The following LCORL variants were observed in gnomAD, a reference collection of about 807,000 sequenced individuals.
LCORL encodes ligand dependent nuclear receptor corepressor like.
In LCORL, 41 loss-of-function variants were observed where a neutral mutation model predicts 141.8. That is an observed-to-expected ratio of 0.29 (90% CI 0.23 to 0.38). The LOEUF (loss-of-function observed/expected upper bound fraction) is 0.38, where lower values mean the gene tolerates loss of function less well. Among genes scored for constraint, LCORL ranks in the 10% least tolerant of loss-of-function variants. The probability of loss-of-function intolerance (pLI) is 1.00; values close to 1 mark genes in which losing one functional copy is unlikely to be tolerated. For missense variants in LCORL, 1,759 were observed against 2,035.0 expected (o/e 0.86, Z 2.61); for synonymous variants, 618 against 694.1 (o/e 0.89, Z 1.72).
At chr4:17,877,583 A>C in exon 7 of LCORL, 1 of 1,230,558 alleles carries the variant, frequency 8.1e-7, no homozygotes, top group Non-Finnish European at 1.0e-6. Context: ...TGTTTGCTTC[A>C]AGTTTGTTAT....
chr4:17,910,134 C>G (rs914624704), intron 4 of LCORL, among the ~76,000 whole-genome samples: 9 of 152,132 alleles, frequency 5.9e-5, no homozygotes, highest in African/African-American at 2.2e-4. Context: ...TAAAGTTCAA[C>G]AGTAATAATA....
intron 5 of LCORL, among the ~76,000 whole-genome samples, chr4:17,902,492 C>T (rs998019944): frequency 5.9e-5 from 9 of 152,080 alleles, no homozygotes; most frequent in African/African-American, 2.2e-4. Flanking sequence ...ATTTCGTTAG[C>T]GGACATAGAA....
chr4:17,858,001 A>G (rs1030745829), intron 7 of LCORL, among the ~76,000 whole-genome samples: 1 of 152,212 alleles, frequency 6.6e-6, no homozygotes, highest in Admixed American at 6.5e-5. Flanking sequence ...CAAAAAACAT[A>G]TATGATCCAT....
At chr4:17,925,521 C>A in intron 4 of LCORL, among the ~76,000 whole-genome samples, 1 of 152,134 alleles carries the variant, frequency 6.6e-6, no homozygotes, top group East Asian at 1.9e-4. Flanking sequence ...GCCAGGACCA[C>A]GTGACCAGTT....
At chr4:17,870,637 C>G (rs1726237132) in intron 7 of LCORL, among the ~76,000 whole-genome samples, 1 of 152,126 alleles carries the variant, frequency 6.6e-6, no homozygotes, top group Non-Finnish European at 1.5e-5. Flanking sequence ...ATTCTATCCC[C>G]TTAAGGCATA....
intron 1 of LCORL, among the ~76,000 whole-genome samples, chr4:18,018,245 G>A (rs536376390): frequency 6.6e-6 from 1 of 152,118 alleles, no homozygotes; most frequent in East Asian, 1.9e-4. Context: ...TAAGATCCAG[G>A]ACTATATTTG....
intron 1 of LCORL, among the ~76,000 whole-genome samples, chr4:17,986,168 C>T (rs367753361): frequency 1.9e-4 from 29 of 152,206 alleles, no homozygotes; most frequent in African/African-American, 2.6e-4. Context: ...AAATGACCTG[C>T]GCTTTCTCTC....
At chr4:17,947,736 T>C (rs1739108519) in intron 4 of LCORL, among the ~76,000 whole-genome samples, 1 of 152,012 alleles carries the variant, frequency 6.6e-6, no homozygotes. Context: ...TTAACTCCAG[T>C]ATCACCATCT....
chr4:17,944,585 C>T lies in LCORL; in HGVS notation c.430+17318G>A, dbSNP rs114540767. On this transcript the variant is annotated intron_variant, in intron 4 of 7. Coordinates refer to ENST00000635767, the Ensembl canonical transcript of LCORL. ...ATACTTTTTTTTGAGCACTTCCTTA[C>T]TTTCTGGCAACACAAAATGCTCCAA... 4.6e-3 allele frequency among the ~76,000 whole-genome samples: 705 copies of T among 152,166 alleles called. 3 individuals carry two copies. Among genetic ancestry groups the T allele is most frequent in the African/African-American group, 0.016 (669 of 41,502 alleles).
At chr4:18,005,954 AATTTCTGCAG>A (rs1416446014) in intron 1 of LCORL, among the ~76,000 whole-genome samples, 1 of 152,106 alleles carries the variant, frequency 6.6e-6, no homozygotes, top group African/African-American at 2.4e-5. Context: ...TACTCACGCA[AATTTCTGCAG>A]TGGGCTTGAG....
intron 6 of LCORL, chr4:17,880,899 G>C: frequency 1.1e-6 from 1 of 912,120 alleles, no homozygotes; most frequent in Non-Finnish European, 1.3e-6. Context: ...ATAACTAATT[G>C]CCTAACAATC....
intron 1 of LCORL, among the ~76,000 whole-genome samples, chr4:17,986,049 G>A (rs1318884019): frequency 1.3e-5 from 2 of 152,292 alleles, no homozygotes; most frequent in East Asian, 1.9e-4. Flanking sequence ...AAAAATCTTG[G>A]TTGAGAATAT....
intron 4 of LCORL, among the ~76,000 whole-genome samples, chr4:17,954,119 C>T (rs533659613): frequency 9.2e-5 from 14 of 152,160 alleles, no homozygotes; most frequent in Admixed American, 2.0e-4. Flanking sequence ...GCCGAGATTG[C>T]GCTACTGCAC....
exon 8 of LCORL, chr4:17,845,707 A>G: frequency 1.9e-6 from 3 of 1,589,542 alleles, no homozygotes; most frequent in Non-Finnish European, 2.6e-6. Flanking sequence ...AGATAGTGCA[A>G]GAAGAACTGC....
chr4:17,994,548 T>G (rs1720585868), intron 1 of LCORL, among the ~76,000 whole-genome samples: 1 of 152,232 alleles, frequency 6.6e-6, no homozygotes, highest in African/African-American at 2.4e-5. Context: ...TGCTTTAGAC[T>G]AGATTAATTG....
chr4:17,880,533 T>C (rs1727424554), intron 6 of LCORL: 2 of 953,810 alleles, frequency 2.1e-6, no homozygotes, highest in Admixed American at 6.2e-5. Context: ...TCAGAAAAAG[T>C]AAATTAGAAT....
At chr4:17,942,018 G>A (rs950894630) in intron 4 of LCORL, among the ~76,000 whole-genome samples, 3 of 152,002 alleles carry the variant, frequency 2.0e-5, no homozygotes, top group Non-Finnish European at 4.4e-5. Context: ...TTATAGTTAG[G>A]GGTGCCACAA....
chr4:17,870,142 T>A (rs1726166328), intron 7 of LCORL, among the ~76,000 whole-genome samples: 1 of 152,148 alleles, frequency 6.6e-6, no homozygotes, highest in African/African-American at 2.4e-5. Context: ...ATATTCCACA[T>A]ATGCTTGCTC....
intron 1 of LCORL, among the ~76,000 whole-genome samples, chr4:18,020,223 A>T (rs979959953): frequency 2.0e-5 from 3 of 152,184 alleles, no homozygotes; most frequent in Non-Finnish European, 4.4e-5. Flanking sequence ...TACTAGTCAA[A>T]AAAAGATCTT....
Sources: allele counts gnomAD v4.1 joint callset (sites outside exome capture counted in the v4.1 genomes callset), GRCh38; gene constraint gnomAD v4.1.1; transcripts MANE v1.5; gene names NCBI Gene and HGNC (gene_info 2026-07-23, HGNC 2026-07-21).